CA10: variants seen among roughly 807,000 people sequenced by gnomAD.
The protein encoded by CA10 is carbonic anhydrase 10 (inactive), also known as carbonic anhydrase-related protein 10.
Under a neutral mutation model 44.2 loss-of-function variants are expected in CA10, and 14 were observed. That is an observed-to-expected ratio of 0.32 (90% CI 0.21 to 0.50). The LOEUF is 0.50. Ranked by LOEUF, CA10 falls within the 20% of genes least tolerant of loss-of-function variation. The pLI, the probability that CA10 is intolerant of heterozygous loss-of-function variation, is 0.99. For synonymous variants in CA10, 159 were observed against 141.6 expected (o/e 1.12, Z -0.87); for missense variants, 350 against 409.7 (o/e 0.85, Z 1.26).
chr17:51,997,935 A>G (rs535113261), intron 2 of CA10, among the ~76,000 whole-genome samples: 2 of 152,202 alleles, frequency 1.3e-5, no homozygotes, highest in African/African-American at 4.8e-5. Flanking sequence ...CTGTTGTAAC[A>G]ATGTCAGCCT....
chr17:52,084,389 T>C (rs1325462549), intron 1 of CA10, among the ~76,000 whole-genome samples: 1 of 152,336 alleles, frequency 6.6e-6, no homozygotes, highest in Admixed American at 6.5e-5. Context: ...GCATGCACTA[T>C]ATGACAGGTG....
intron 3 of CA10, among the ~76,000 whole-genome samples, chr17:51,917,202 G>A (rs1168512389): frequency 1.3e-5 from 2 of 152,196 alleles, no homozygotes; most frequent in African/African-American, 4.8e-5. Flanking sequence ...TGGATTTCAA[G>A]TCACCACCTT....
chr17:51,775,446 G>T (rs1028383378), intron 3 of CA10, among the ~76,000 whole-genome samples: 3 of 152,202 alleles, frequency 2.0e-5, no homozygotes, highest in Non-Finnish European at 4.4e-5. Context: ...TTTAAGCCAT[G>T]CAGGGTACAA....
At chr17:52,073,704 T>C (rs141418030) in intron 1 of CA10, among the ~76,000 whole-genome samples, 4 of 152,310 alleles carry the variant, frequency 2.6e-5, no homozygotes, top group African/African-American at 4.8e-5. Flanking sequence ...GTGGTGTGGA[T>C]AGAGTTCAGA....
intron 2 of CA10, among the ~76,000 whole-genome samples, chr17:51,985,656 A>G (rs1371766943): frequency 6.6e-6 from 1 of 151,806 alleles, no homozygotes; most frequent in Non-Finnish European, 1.5e-5. Context: ...AATTCAGCAA[A>G]TTTCCAGATA....
intron 2 of CA10, among the ~76,000 whole-genome samples, chr17:51,985,837 T>C (rs1984814717): frequency 6.6e-6 from 1 of 151,950 alleles, no homozygotes; most frequent in Non-Finnish European, 1.5e-5. Flanking sequence ...TACAAAACAC[T>C]GCTGAAAGAA....
intron 3 of CA10, among the ~76,000 whole-genome samples, chr17:51,750,417 C>A (rs1172429411): frequency 1.3e-5 from 2 of 152,042 alleles, no homozygotes; most frequent in Admixed American, 6.6e-5. Context: ...ATTAACTATT[C>A]TTTAGCAATA....
chr17:51,748,972 G>T (rs1358604725), intron 3 of CA10, among the ~76,000 whole-genome samples: 1 of 152,154 alleles, frequency 6.6e-6, no homozygotes, highest in East Asian at 1.9e-4. Flanking sequence ...ACTGTAGAAT[G>T]GAGCCCATGT....
chr17:51,632,443 A>T (rs4793711), intron 8 of CA10, among the ~76,000 whole-genome samples: 65,452 of 152,050 alleles, frequency 0.43, 14,458 homozygotes, highest in South Asian at 0.57. Flanking sequence ...GAAGGGAACA[A>T]GGGGGAAGTA....
chr17:51,940,654 G>A (rs1480246571), intron 2 of CA10, among the ~76,000 whole-genome samples: 1 of 149,030 alleles, frequency 6.7e-6, no homozygotes, highest in South Asian at 2.2e-4. Context: ...ACATAGAGAC[G>A]TCAAACTAAC....
chr17:51,930,854 G>A (rs1314417369), intron 3 of CA10, 136 bp downstream of exon 3: 8 of 966,010 alleles, frequency 8.3e-6, no homozygotes, highest in Non-Finnish European at 1.3e-5. Flanking sequence ...CTATCTAATG[G>A]CGGCAGGTCT....
chr17:51,632,948 C>G (rs1040354523), intron 8 of CA10, among the ~76,000 whole-genome samples: 6 of 152,130 alleles, frequency 3.9e-5, no homozygotes, highest in African/African-American at 1.4e-4. Flanking sequence ...ACAAATTACC[C>G]CATTGGATTC....
chr17:51,633,513 G>A lies in CA10; in HGVS notation c.927C>T (p.Asp309=). The part of the protein sequence containing the change: ...TNINFSLQGK[D]CPNNRAQKLQ... ...GCTTCTGGGCTCGGTTGTTTGGACAGTCCTTCCCCTGTAAACTGAAGTTGA... is the reference window on the plus strand; with the variant it reads ...GCTTCTGGGCTCGGTTGTTTGGACAATCCTTCCCCTGTAAACTGAAGTTGA... The change falls in exon 8 of 9, where the codon GAC becomes GAT. Residue 309 remains aspartate, a synonymous_variant. Coordinates refer to ENST00000451037, the MANE Select transcript of CA10 (RefSeq NM_020178.5). 6.2e-7 allele frequency: 1 copy of A among 1,613,994 alleles called. No individual in the cohort carries two copies. Among genetic ancestry groups the A allele is most frequent in the Non-Finnish European group, 8.5e-7 (1 of 1,179,908 alleles).
At chr17:51,798,565 T>C (rs1906804215) in intron 3 of CA10, among the ~76,000 whole-genome samples, 1 of 152,248 alleles carries the variant, frequency 6.6e-6, no homozygotes, top group African/African-American at 2.4e-5. Context: ...CACATCTAAC[T>C]GTGCCAGGCA....
At chr17:51,928,802 A>G (rs981036411) in intron 3 of CA10, among the ~76,000 whole-genome samples, 3 of 152,210 alleles carry the variant, frequency 2.0e-5, no homozygotes, top group Non-Finnish European at 4.4e-5. Flanking sequence ...TTTCCAACTC[A>G]TTAAACATCA....
At chr17:51,871,429 G>A (rs766257478) in intron 3 of CA10, among the ~76,000 whole-genome samples, 15 of 131,912 alleles carry the variant, frequency 1.1e-4, no homozygotes, top group African/African-American at 2.0e-4. Context: ...TAGTAGAGAC[G>A]GGGCTTCACC....
At chr17:51,719,714 G>A (rs534119352) in intron 4 of CA10, among the ~76,000 whole-genome samples, 5 of 152,064 alleles carry the variant, frequency 3.3e-5, no homozygotes, top group Admixed American at 1.3e-4. Flanking sequence ...TAGTGAGATC[G>A]TATCTTTACA....
intron 3 of CA10, among the ~76,000 whole-genome samples, chr17:51,913,615 G>A (rs951982709): frequency 6.7e-6 from 1 of 149,096 alleles, no homozygotes; most frequent in African/African-American, 2.5e-5. Flanking sequence ...GCTGTGTCAT[G>A]TTTCAGCAGT....
intron 3 of CA10, among the ~76,000 whole-genome samples, chr17:51,766,048 G>A (rs991651247): frequency 3.3e-5 from 5 of 152,066 alleles, no homozygotes; most frequent in South Asian, 2.1e-4. Context: ...AGGAATGCTC[G>A]GAAGTAAGCA....
Sources: allele counts gnomAD v4.1 joint callset (sites outside exome capture counted in the v4.1 genomes callset), GRCh38; gene constraint gnomAD v4.1.1; transcripts MANE v1.5; gene names NCBI Gene and HGNC (gene_info 2026-07-23, HGNC 2026-07-21).